Variants in ARHGAP24 observed in about 807,000 individuals in gnomAD.
ARHGAP24 encodes the protein Rho GTPase activating protein 24.
ARHGAP24 carries 50 observed loss-of-function variants against 76.4 expected under a neutral mutation model. The ratio of observed to expected loss-of-function variants is 0.65; its 90% CI spans 0.52 to 0.83. The LOEUF is 0.83. Ranked by LOEUF, ARHGAP24 falls within the 40% of genes least tolerant of loss-of-function variation. The probability of loss-of-function intolerance (pLI) is 0.00; values close to 1 mark genes in which losing one functional copy is unlikely to be tolerated. For missense variants in ARHGAP24, 930 were observed against 914.2 expected, an observed-to-expected ratio of 1.02 and a Z score of -0.22; for synonymous variants, 345 against 323.3, an observed-to-expected ratio of 1.07 and a Z score of -0.72.
chr4:85,548,342 A>G (rs571567118), intron 1 of ARHGAP24, among the ~76,000 whole-genome samples: 1 of 152,280 alleles, frequency 6.6e-6, no homozygotes, highest in African/African-American at 2.4e-5. Flanking sequence ...ATATGTTAAT[A>G]CTTCTAGGCC....
intron 3 of ARHGAP24, among the ~76,000 whole-genome samples, chr4:85,910,372 G>C (rs1191708665): frequency 1.3e-5 from 2 of 152,180 alleles, no homozygotes; most frequent in East Asian, 1.9e-4. Context: ...CATTCAGCAG[G>C]CTCCAAGTTC....
chr4:85,787,527 A>C (rs1727905416), intron 3 of ARHGAP24, among the ~76,000 whole-genome samples: 1 of 152,214 alleles, frequency 6.6e-6, no homozygotes, highest in South Asian at 2.1e-4. Context: ...ATTCAAAAAA[A>C]AGTGTTTTGG....
chr4:85,618,015 C>T (rs1037453320), intron 2 of ARHGAP24, among the ~76,000 whole-genome samples: 84 of 152,278 alleles, frequency 5.5e-4, no homozygotes, highest in African/African-American at 1.9e-3. Context: ...CATTTAAGAT[C>T]TCCTCTCTGC....
intron 3 of ARHGAP24, among the ~76,000 whole-genome samples, chr4:85,896,207 A>G (rs1365287212): frequency 6.6e-6 from 1 of 152,228 alleles, no homozygotes; most frequent in African/African-American, 2.4e-5. Context: ...TACCTGATGT[A>G]GTTTAACTTT....
intron 3 of ARHGAP24, among the ~76,000 whole-genome samples, chr4:85,749,757 G>A (rs974345966): frequency 2.6e-5 from 4 of 152,138 alleles, no homozygotes; most frequent in Non-Finnish European, 5.9e-5. Context: ...AGTAGGGACA[G>A]GATTTCCCCA....
At chr4:85,559,088 A>G (rs866862422) in intron 1 of ARHGAP24, among the ~76,000 whole-genome samples, 2 of 152,338 alleles carry the variant, frequency 1.3e-5, no homozygotes, top group Admixed American at 1.3e-4. Flanking sequence ...TTATTTCCCC[A>G]TAATGAGGAA....
intron 3 of ARHGAP24, among the ~76,000 whole-genome samples, chr4:85,793,667 G>A (rs1276757033): frequency 6.6e-6 from 1 of 152,148 alleles, no homozygotes; most frequent in East Asian, 1.9e-4. Context: ...GTGAGGGAAT[G>A]AGATTAGAGT....
chr4:85,878,412 G>C (rs1283808476), intron 3 of ARHGAP24, among the ~76,000 whole-genome samples: 1 of 152,140 alleles, frequency 6.6e-6, no homozygotes. Context: ...ACTATGGAAT[G>C]TCTAGCCAGC....
intron 4 of ARHGAP24, among the ~76,000 whole-genome samples, chr4:85,936,397 G>A (rs1736635576): frequency 6.6e-6 from 1 of 151,978 alleles, no homozygotes; most frequent in African/African-American, 2.4e-5. Flanking sequence ...AAGTTCCAGG[G>A]ACATAAACAA....
chr4:85,932,485 A>C (rs1462538073), intron 4 of ARHGAP24, among the ~76,000 whole-genome samples: 1 of 146,956 alleles, frequency 6.8e-6, no homozygotes, highest in Non-Finnish European at 1.5e-5. Context: ...TCTCCCATAG[A>C]ATCCTTGTGA....
At chr4:85,713,301 A>G (rs1401780842) in intron 2 of ARHGAP24, among the ~76,000 whole-genome samples, 1 of 152,104 alleles carries the variant, frequency 6.6e-6, no homozygotes, top group Non-Finnish European at 1.5e-5. Context: ...GTCAGACCCT[A>G]TCTCAAAAAG....
intron 3 of ARHGAP24, among the ~76,000 whole-genome samples, chr4:85,877,041 T>C (rs140861736): frequency 6.6e-6 from 1 of 152,342 alleles, no homozygotes; most frequent in East Asian, 1.9e-4. Flanking sequence ...AAATCGTCAG[T>C]TATAGATGTT....
intron 2 of ARHGAP24, among the ~76,000 whole-genome samples, chr4:85,655,531 C>T (rs1722107120): frequency 1.3e-5 from 2 of 151,776 alleles, no homozygotes; most frequent in Admixed American, 6.6e-5. Context: ...CCTGTAACCC[C>T]GGCACTTTGG....
At chr4:85,672,664 G>A (rs1722850258) in intron 2 of ARHGAP24, among the ~76,000 whole-genome samples, 1 of 152,164 alleles carries the variant, frequency 6.6e-6, no homozygotes. Context: ...GGGCTCTGGT[G>A]GTACAGGAAG....
At chr4:85,987,487 G>A (rs192877909) in intron 8 of ARHGAP24, among the ~76,000 whole-genome samples, 1 of 152,020 alleles carries the variant, frequency 6.6e-6, no homozygotes, top group East Asian at 1.9e-4. Flanking sequence ...ACATAAAATA[G>A]CTAATAGAAA....
chr4:85,625,846 A>G (rs936809578), intron 2 of ARHGAP24, among the ~76,000 whole-genome samples: 1 of 151,746 alleles, frequency 6.6e-6, no homozygotes, highest in African/African-American at 2.4e-5. Context: ...GTCTCTTTTT[A>G]TCTTTGTTGG....
chr4:85,867,164 A>G (rs1438337119), intron 3 of ARHGAP24, among the ~76,000 whole-genome samples: 1 of 152,126 alleles, frequency 6.6e-6, no homozygotes, highest in Non-Finnish European at 1.5e-5. Context: ...GGGACTACTA[A>G]CCAGGAGGAT....
chr4:85,483,656 A>G (rs1196031173), intron 1 of ARHGAP24, among the ~76,000 whole-genome samples: 1 of 152,146 alleles, frequency 6.6e-6, no homozygotes, highest in Non-Finnish European at 1.5e-5. Context: ...AAAAATATAA[A>G]TAAATAAAAA....
intron 3 of ARHGAP24, among the ~76,000 whole-genome samples, chr4:85,747,170 A>G (rs1198941400): frequency 6.6e-6 from 1 of 152,212 alleles, no homozygotes; most frequent in African/African-American, 2.4e-5. Context: ...AACTTTTAAA[A>G]TAAGCTCTTT....
Sources: allele counts gnomAD v4.1 joint callset (sites outside exome capture counted in the v4.1 genomes callset), GRCh38; gene constraint gnomAD v4.1.1; transcripts MANE v1.5; gene names NCBI Gene and HGNC (gene_info 2026-07-23, HGNC 2026-07-21).